CS: variants seen among roughly 807,000 people sequenced by gnomAD.
The protein encoded by CS is citrate synthase, mitochondrial.
Under a neutral mutation model 61.4 loss-of-function variants are expected in CS, and 13 were observed. The observed-to-expected ratio is 0.21, with a 90% CI of 0.14 to 0.34. The LOEUF is 0.34. Among genes scored for constraint, CS ranks in the 10% least tolerant of loss-of-function variants. The pLI, the probability that CS is intolerant of heterozygous loss-of-function variation, is 1.00. For missense variants in CS, 278 were observed against 573.4 expected, an observed-to-expected ratio of 0.48 and a Z score of 5.26; for synonymous variants, 159 against 215.2, an observed-to-expected ratio of 0.74 and a Z score of 2.29.
intron 3 of CS, chr12:56,285,176 C>T (rs2135918391): frequency 5.8e-6 from 2 of 347,732 alleles, no homozygotes; most frequent in South Asian, 4.2e-5. Flanking sequence ...GAACTCCTGA[C>T]CTCAGATGAG....
At chr12:56,292,730 CA>C (rs531365770) in intron 1 of CS, among the ~76,000 whole-genome samples, 2,040 of 56,890 alleles carry the variant, frequency 0.036, 29 homozygotes, top group African/African-American at 0.11. Context: ...TAAAAAAATA[CA>C]AAAAAAAAAA....
intron 1 of CS, among the ~76,000 whole-genome samples, chr12:56,297,398 C>T (rs563274295): frequency 6.6e-6 from 1 of 152,288 alleles, no homozygotes; most frequent in South Asian, 2.1e-4. Flanking sequence ...GCTTCTAACT[C>T]AGGTGTTTTA....
intron 3 of CS, chr12:56,285,344 A>G: frequency 2.8e-6 from 1 of 362,380 alleles, no homozygotes; most frequent in South Asian, 2.0e-5. Flanking sequence ...CTACAGTGGC[A>G]TAATCATGGC....
At position 56,300,292 on chromosome 12, in the gene CS, G is replaced by A. The variant is rs1873450730; in HGVS notation, c.-91C>T. On this transcript the variant is annotated 5_prime_UTR_variant, in exon 1 of 11. Transcript: ENST00000351328. ...CCGCCGCCGCTGCACCAGAGGCCGC[G>A]CCGACGGGTTGACAAGGTTGAAAGG... The A allele has an allele frequency of 7.3e-7, 1 of 1,367,112 alleles. No individual in the cohort carries two copies. Among genetic ancestry groups the A allele is most frequent in the South Asian group, 1.3e-5 (1 of 78,916 alleles). 84.7% of individuals were successfully genotyped at this position (1,367,112 alleles called of 1,614,324 possible).
At chr12:56,279,381 T>C (rs1173092453) in intron 6 of CS, among the ~76,000 whole-genome samples, 1 of 151,810 alleles carries the variant, frequency 6.6e-6, no homozygotes, top group Non-Finnish European at 1.5e-5. Context: ...CTCACTCCTA[T>C]AATCCCCAGC....
Position 56,282,520 on chromosome 12 carries a change from T to A in CS, c.488A>T (p.His163Leu). ...AGCTGCACTGAGCTGAGACATGGGG[T>A]GTAGATTGGTGGGAAAGTTGTCCAG... Reference protein sequence around the residue: ...TMLDNFPTNLHPMSQLSAAVT... With the variant: ...TMLDNFPTNLLPMSQLSAAVT... Residue 163 changes from histidine to leucine, a missense_variant, in exon 6 of 11, where the codon CAC (histidine) becomes CTC (leucine). Physicochemically the swap from His to Leu is moderately conservative, Grantham distance 99. Coordinates refer to ENST00000351328, the MANE Select transcript of CS (RefSeq NM_004077.3). 3 of 1,613,862 alleles carry A rather than the reference T, an allele frequency of 1.9e-6. No individual in the cohort carries two copies. Among genetic ancestry groups the A allele is most frequent in the Non-Finnish European group, 2.5e-6 (3 of 1,179,938 alleles).
At chr12:56,285,864 T>C in intron 3 of CS, 52 bp downstream of exon 3, 5 of 1,402,478 alleles carry the variant, frequency 3.6e-6, no homozygotes, top group Non-Finnish European at 5.1e-6. Flanking sequence ...GTTACTTTTG[T>C]TGAAGCACAT....
Position 56,294,731 on chromosome 12 carries a change from C to T in CS, c.42+5429G>A, listed in dbSNP as rs1486646551. 1.3e-5 allele frequency among the ~76,000 whole-genome samples: 2 copies of T among 150,840 alleles called. 1 individual carries two copies. The highest frequency in any genetic ancestry group is 3.0e-5 in the Non-Finnish European group (2 of 67,734). The stretch of plus-strand genomic sequence containing the variant: ...ATAGGTGCCTGCCACCATGCCCAGC[C>T]AGGAATCACAAGTATTAAACTTTCC... On this transcript the variant is annotated intron_variant, in intron 1 of 10. Coordinates refer to ENST00000351328, the MANE Select transcript of CS (RefSeq NM_004077.3).
chr12:56,273,938 A>G (rs1258761043), intron 9 of CS, 142 bp from the exon 10 acceptor site: 35 of 679,088 alleles, frequency 5.2e-5, no homozygotes, highest in Non-Finnish European at 8.3e-5. Context: ...GGCTCAGGCA[A>G]TTCTCCCACT....
intron 1 of CS, chr12:56,291,313 A>C (rs887397432): frequency 1.5e-4 from 149 of 984,220 alleles, no homozygotes; most frequent in Non-Finnish European, 1.6e-4. Context: ...CCAGCTGTGG[A>C]ATACAAAATA....
At chr12:56,283,718 T>C (rs1872844355) in intron 4 of CS, 74 bp downstream of exon 4, 3 of 1,114,812 alleles carry the variant, frequency 2.7e-6, no homozygotes, top group Non-Finnish European at 4.1e-6. Flanking sequence ...TGCTTACCCT[T>C]ACTGGTCTAA....
At chr12:56,286,399 T>C in intron 2 of CS, 196 bp downstream of exon 2, 2 of 557,632 alleles carry the variant, frequency 3.6e-6, no homozygotes, top group East Asian at 5.7e-5. Context: ...GATATTCCCA[T>C]CTCACTATAC....
intron 1 of CS, among the ~76,000 whole-genome samples, chr12:56,293,090 G>A (rs1873183377): frequency 6.6e-6 from 1 of 152,108 alleles, no homozygotes; most frequent in African/African-American, 2.4e-5. Flanking sequence ...CTGGGCAACA[G>A]AGGAGACTCT....
intron 1 of CS, among the ~76,000 whole-genome samples, chr12:56,287,189 T>C (rs1240475055): frequency 1.3e-5 from 2 of 151,914 alleles, no homozygotes; most frequent in Non-Finnish European, 2.9e-5. Flanking sequence ...CAAAAGAAAA[T>C]AATTAGTTTG....
chr12:56,281,352 C>T (rs1031745856), intron 6 of CS, among the ~76,000 whole-genome samples: 1 of 152,188 alleles, frequency 6.6e-6, no homozygotes, highest in African/African-American at 2.4e-5. Flanking sequence ...CCCCAACCAG[C>T]GTTGTAAACT....
intron 1 of CS, among the ~76,000 whole-genome samples, chr12:56,295,131 T>C (rs1054650393): frequency 1.3e-5 from 2 of 152,024 alleles, no homozygotes; most frequent in Non-Finnish European, 2.9e-5. Context: ...TCTTGCTATG[T>C]TGCCAGGCTG....
chr12:56,282,959 T>A lies in CS; in HGVS notation c.300A>T (p.Glu100Asp). 1 of 1,614,150 alleles carries A rather than the reference T, an allele frequency of 6.2e-7. No individual in the cohort carries two copies. Among genetic ancestry groups the A allele is most frequent in the Non-Finnish European group, 8.5e-7 (1 of 1,180,028 alleles). Reference sequence around the variant, plus strand: ...TAGCCTTGGGTAGCAGTTTCTGGCATTCAGGGATACTAAAGCCTCGGAAAC... The same window carrying A: ...TAGCCTTGGGTAGCAGTTTCTGGCAATCAGGGATACTAAAGCCTCGGAAAC... ...GIRFRGFSIP[E>D]CQKLLPKAKG... is the part of the protein sequence containing the mutation. The change falls in exon 5 of 11, where the codon GAA becomes GAT. Residue 100 changes from glutamate to aspartate, a missense_variant. Physicochemically the swap from Glu to Asp is conservative, Grantham distance 45. This residue lies in a region of CS where 223 missense variants were observed against 503.5 expected (regional missense o/e 0.44). Coordinates refer to ENST00000351328, the MANE Select transcript of CS (RefSeq NM_004077.3).
chr12:56,276,220 G>C (rs761789718), intron 6 of CS, 25 bp from the exon 7 acceptor site: 23 of 1,577,590 alleles, frequency 1.5e-5, no homozygotes, highest in Non-Finnish European at 2.0e-5. Flanking sequence ...GCAAGATGGA[G>C]AAAAAAAAAG....
At chr12:56,283,923 C>T (rs1334162523) in intron 3 of CS, 66 bp from the exon 4 acceptor site, 2 of 1,221,922 alleles carry the variant, frequency 1.6e-6, no homozygotes, top group African/African-American at 3.0e-5. Context: ...ATGATTCAGA[C>T]TAGAACTTGT....
Sources: gnomAD v4.1 joint callset for allele counts (sites outside exome capture counted in the v4.1 genomes callset) on GRCh38, gnomAD v4.1.1 for gene constraint, gnomAD v4.1.1 regional missense constraint, MANE v1.5 for transcripts, NCBI Gene and HGNC (gene_info 2026-07-23, HGNC 2026-07-21) for gene names.